FAM135B: variants seen among roughly 807,000 people sequenced by gnomAD.
The protein encoded by FAM135B is protein FAM135B.
FAM135B carries 43 observed loss-of-function variants against 127.7 expected under a neutral mutation model. The observed-to-expected ratio is 0.34, with a 90% CI of 0.26 to 0.43. The LOEUF (loss-of-function observed/expected upper bound fraction) is 0.43. Ranked by LOEUF, FAM135B falls within the 20% of genes least tolerant of loss-of-function variation. The pLI, the probability that FAM135B is intolerant of heterozygous loss-of-function variation, is 1.00. For missense variants in FAM135B, 1,558 were observed against 1,725.6 expected, an observed-to-expected ratio of 0.90 and a Z score of 1.72; for synonymous variants, 670 against 665.1, an observed-to-expected ratio of 1.01 and a Z score of -0.11.
At chr8:138,382,430 C>T (rs548961801) in intron 1 of FAM135B, among the ~76,000 whole-genome samples, 83 of 152,140 alleles carry the variant, frequency 5.5e-4, no homozygotes, top group Middle Eastern at 3.4e-3. Flanking sequence ...GTTCAGTGGT[C>T]GGCTCATAGT....
Position 138,414,119 on chromosome 8 carries a change from C to CATATATATATAT in FAM135B, c.-19-46129_-19-46118dup, listed in dbSNP as rs60918986. On this transcript the variant is annotated intron_variant, in intron 1 of 19. Transcript: ENST00000395297. ...AAGTTCCCCTGTTCACACACAAATACATATATATATATATATATATGCACA... is the reference window on the plus strand; with the variant it reads ...AAGTTCCCCTGTTCACACACAAATACATATATATATATATATATATATATATATATATGCACA... Among the ~76,000 whole-genome samples, 742 of 124,676 alleles carry CATATATATATAT rather than the reference C, an allele frequency of 6.0e-3. 20 individuals carry two copies. The highest frequency in any genetic ancestry group is 9.0e-3 in the Non-Finnish European group (533 of 59,240). 81.8% of individuals were successfully genotyped at this position (124,676 alleles called of 152,430 possible).
intron 12 of FAM135B, 55 bp downstream of exon 12, chr8:138,167,840 A>T (rs905744786): frequency 5.9e-6 from 9 of 1,533,842 alleles, no homozygotes; most frequent in Non-Finnish European, 7.9e-6. Context: ...TGCCATTGTC[A>T]GAATCCCACT....
intron 6 of FAM135B, among the ~76,000 whole-genome samples, chr8:138,249,528 A>G (rs1821544840): frequency 6.6e-6 from 1 of 152,208 alleles, no homozygotes; most frequent in East Asian, 1.9e-4. Flanking sequence ...GCAGGCCCCC[A>G]GTAAATACCC....
Position 138,158,999 on chromosome 8 carries a change from G to A in FAM135B, c.1259-5783C>T, listed in dbSNP as rs978958467. On this transcript the variant is annotated intron_variant, in intron 12 of 19. Transcript: ENST00000395297. ...TATAAAGACACATGCACGGCCGGGCGTGGTGGCTCACGCCTGTAATCCCAG... is the reference window on the plus strand; with the variant it reads ...TATAAAGACACATGCACGGCCGGGCATGGTGGCTCACGCCTGTAATCCCAG... 1.5e-4 allele frequency among the ~76,000 whole-genome samples: 23 copies of A among 151,832 alleles called. No homozygotes were observed. The South Asian group carries it at 2.1e-3, about 14-fold the overall frequency.
chr8:138,366,558 C>G (rs541161331), intron 2 of FAM135B, among the ~76,000 whole-genome samples: 1 of 152,172 alleles, frequency 6.6e-6, no homozygotes, highest in East Asian at 1.9e-4. Context: ...TGCCTCCTTC[C>G]CTGAAACAGA....
chr8:138,168,935 G>T (rs1820185528), intron 11 of FAM135B, among the ~76,000 whole-genome samples: 1 of 152,154 alleles, frequency 6.6e-6, no homozygotes. Flanking sequence ...TGTTGGAGCA[G>T]CTCGGCCTCT....
chr8:138,447,548 G>GC (rs1836248801), intron 1 of FAM135B, among the ~76,000 whole-genome samples: 1 of 151,460 alleles, frequency 6.6e-6, no homozygotes, highest in Non-Finnish European at 1.5e-5. Flanking sequence ...GCAAACTATC[G>GC]CAAGGACAAA....
chr8:138,348,756 T>A, intron 2 of FAM135B, among the ~76,000 whole-genome samples: 1 of 152,248 alleles, frequency 6.6e-6, no homozygotes, highest in Non-Finnish European at 1.5e-5. Flanking sequence ...ATCCAATTGA[T>A]CTTCCTGGGA....
intron 1 of FAM135B, among the ~76,000 whole-genome samples, chr8:138,461,352 C>G (rs1837108759): frequency 6.6e-6 from 1 of 152,132 alleles, no homozygotes; most frequent in Non-Finnish European, 1.5e-5. Context: ...CAGATGTCAG[C>G]AAAGGTCTGT....
intron 9 of FAM135B, among the ~76,000 whole-genome samples, chr8:138,189,723 C>T (rs1190690353): frequency 6.6e-6 from 1 of 152,146 alleles, no homozygotes; most frequent in Non-Finnish European, 1.5e-5. Flanking sequence ...GGAGTTTGCC[C>T]CTGCTGGTGC....
At chr8:138,287,613 C>G (rs1824796620) in intron 3 of FAM135B, among the ~76,000 whole-genome samples, 1 of 152,060 alleles carries the variant, frequency 6.6e-6, no homozygotes, top group Non-Finnish European at 1.5e-5. Context: ...CAGTGGCAGG[C>G]TAGGACATGT....
At chr8:138,430,346 T>A (rs972130601) in intron 1 of FAM135B, among the ~76,000 whole-genome samples, 1 of 152,202 alleles carries the variant, frequency 6.6e-6, no homozygotes, top group African/African-American at 2.4e-5. Context: ...ACAATTAGTA[T>A]GTATTTTTAA....
At chr8:138,327,333 C>T (rs2130974816) in intron 2 of FAM135B, among the ~76,000 whole-genome samples, 1 of 152,280 alleles carries the variant, frequency 6.6e-6, no homozygotes, top group African/African-American at 2.4e-5. Flanking sequence ...TCCAATATTC[C>T]TATGAGGAAC....
At chr8:138,325,186 T>G (rs2130963608) in intron 2 of FAM135B, among the ~76,000 whole-genome samples, 1 of 152,184 alleles carries the variant, frequency 6.6e-6, no homozygotes, top group Admixed American at 6.5e-5. Context: ...ATGAAAACAC[T>G]GAGTTGTAGG....
At chr8:138,381,634 A>G (rs2131287658) in intron 1 of FAM135B, among the ~76,000 whole-genome samples, 1 of 152,356 alleles carries the variant, frequency 6.6e-6, no homozygotes, top group African/African-American at 2.4e-5. Context: ...AACAAATGCA[A>G]GAGAAAATGC....
At chr8:138,435,222 G>C (rs1029891625) in intron 1 of FAM135B, among the ~76,000 whole-genome samples, 1 of 152,028 alleles carries the variant, frequency 6.6e-6, no homozygotes, top group African/African-American at 2.4e-5. Flanking sequence ...ACTTGAACCC[G>C]GGAGGCAGAG....
chr8:138,407,498 C>T (rs1833589507), intron 1 of FAM135B, among the ~76,000 whole-genome samples: 1 of 152,208 alleles, frequency 6.6e-6, no homozygotes, highest in Non-Finnish European at 1.5e-5. Context: ...CGCTACCTGA[C>T]TTCAAACTAT....
chr8:138,437,003 A>G (rs1414685206), intron 1 of FAM135B: 1 of 152,154 alleles, frequency 6.6e-6, no homozygotes, highest in African/African-American at 2.4e-5. Flanking sequence ...AAGGAGAATA[A>G]AGTCCAAATG....
chr8:138,410,650 C>T (rs898985110), intron 1 of FAM135B, among the ~76,000 whole-genome samples: 10 of 152,120 alleles, frequency 6.6e-5, no homozygotes, highest in Admixed American at 2.0e-4. Context: ...GTTGGCAAGG[C>T]TGTGGAGAAA....
Sources: allele counts gnomAD v4.1 joint callset (sites outside exome capture counted in the v4.1 genomes callset), GRCh38; gene constraint gnomAD v4.1.1; transcripts MANE v1.5; gene names NCBI Gene and HGNC (gene_info 2026-07-23, HGNC 2026-07-21).